Variants in MICA observed in about 807,000 individuals in gnomAD.
MICA encodes the protein MHC class I polypeptide-related sequence A.
MICA carries 18 observed loss-of-function variants against 34.3 expected under a neutral mutation model. That is an observed-to-expected ratio of 0.52 (90% CI 0.36 to 0.78). The LOEUF is 0.78. MICA is among the 30% of genes least tolerant of loss of function. The pLI is 0.00. For synonymous variants in MICA, 135 were observed against 156.9 expected (o/e 0.86, Z 1.04); for missense variants, 333 against 409.4 (o/e 0.81, Z 1.61).
chr6:31,412,445 G>T lies in MICA; in HGVS notation c.*14G>T, dbSNP rs1478526747. The T allele has an allele frequency of 6.4e-7, 1 of 1,568,154 alleles. No homozygotes were observed. Among genetic ancestry groups the T allele is most frequent in the East Asian group, 2.3e-5 (1 of 43,408 alleles). ...CCGTTGTTGTAAGAAGAAAACATCA[G>T]CTGCAGAGGGTCCAGGTGAGAAAAG... is the stretch of plus-strand genomic sequence containing the variant. On this transcript the variant is annotated 3_prime_UTR_variant, in exon 5 of 6. Transcript: ENST00000449934.
chr6:31,410,894 C>G (rs17206624), intron 2 of MICA, 97 bp downstream of exon 2: 3 of 1,489,372 alleles, frequency 2.0e-6, no homozygotes, highest in Non-Finnish European at 2.7e-6. Context: ...GGATCTGGCT[C>G]AGGCTGGGGG....
chr6:31,410,451 C>T (rs2844516), intron 1 of MICA, 92 bp from the exon 2 acceptor site: 241,807 of 1,495,220 alleles, frequency 0.16, 23,206 homozygotes, highest in Middle Eastern at 0.35. Context: ...ATTTCCTGCC[C>T]CAGGAAGGTT....
intron 5 of MICA, among the ~76,000 whole-genome samples, chr6:31,414,533 A>T (rs1771401716): frequency 6.6e-6 from 1 of 151,930 alleles, no homozygotes; most frequent in Non-Finnish European, 1.5e-5. Flanking sequence ...CCCAGTTAGG[A>T]GCTGCCTGCT....
Position 31,403,734 on chromosome 6 carries a change from G to T in MICA, c.70+32G>T. The T allele has an allele frequency of 6.6e-7, 1 of 1,524,320 alleles. No homozygotes were observed. 94.4% of individuals were successfully genotyped at this position (1,524,320 alleles called of 1,614,324 possible). ...GGCGTTCCTGGCGGTCCTCGGCGGAGCGGGAGCAGTGGGACGTTTCCGGGG... is the reference window on the plus strand; with the variant it reads ...GGCGTTCCTGGCGGTCCTCGGCGGATCGGGAGCAGTGGGACGTTTCCGGGG... On this transcript the variant is annotated intron_variant, in intron 1 of 5. Coordinates refer to ENST00000449934, the MANE Select transcript of MICA (RefSeq NM_001177519.3). This position sits in a 1 kb window ranked among gnomAD's most constrained non-coding sequence, Gnocchi z 4.7.
At position 31,410,666 on chromosome 6, in the gene MICA, G is replaced by A. The variant is rs1771066588; in HGVS notation, c.194G>A (p.Arg65Lys). 6.2e-7 allele frequency: 1 copy of A among 1,613,454 alleles called. No individual in the cohort carries two copies. The highest frequency in any genetic ancestry group is 1.7e-5 in the Admixed American group (1 of 59,728). ...PFLRYDRQKC[R>K]AKPQGQWAED... ...CTGCGCTATGACAGGCAGAAATGCA[G>A]GGCAAAGCCCCAGGGACAGTGGGCA... The change falls in exon 2 of 6, where the codon AGG (arginine) becomes AAG (lysine). Residue 65 changes from arginine (R) to lysine (K), a missense_variant. Coordinates refer to ENST00000449934, the MANE Select transcript of MICA (RefSeq NM_001177519.3).
At chr6:31,408,359 G>A (rs541014083) in intron 1 of MICA, among the ~76,000 whole-genome samples, 1 of 151,992 alleles carries the variant, frequency 6.6e-6, no homozygotes, top group African/African-American at 2.4e-5. Flanking sequence ...TCCTGGCTTT[G>A]TAAAATGAGT....
chr6:31,412,447 T>C lies in MICA; in HGVS notation c.*16T>C, dbSNP rs1183953382. On this transcript the variant is annotated 3_prime_UTR_variant, in exon 5 of 6. Coordinates refer to ENST00000449934, the MANE Select transcript of MICA (RefSeq NM_001177519.3). ...GTTGTTGTAAGAAGAAAACATCAGCTGCAGAGGGTCCAGGTGAGAAAAGCG... is the reference window on the plus strand; with the variant it reads ...GTTGTTGTAAGAAGAAAACATCAGCCGCAGAGGGTCCAGGTGAGAAAAGCG... 1 of 1,568,550 alleles carries C rather than the reference T, an allele frequency of 6.4e-7. No individual in the cohort carries two copies. The highest frequency in any genetic ancestry group is 8.7e-7 in the Non-Finnish European group (1 of 1,155,340).
rs141297995 is a variant in MICA at position 31,410,655 on chromosome 6, G to C, written c.183G>C (p.Arg61Ser). 195 of 1,613,572 alleles carry C rather than the reference G, an allele frequency of 1.2e-4. 1 individual carries two copies. Among genetic ancestry groups the C allele is most frequent in the Non-Finnish European group, 1.5e-4 (182 of 1,180,016 alleles). The stretch of plus-strand genomic sequence containing the variant: ...GTCAGCCCTTCCTGCGCTATGACAG[G>C]CAGAAATGCAGGGCAAAGCCCCAGG... ...LDGQPFLRYDRQKCRAKPQGQ... is the reference protein window; with the variant it reads ...LDGQPFLRYDSQKCRAKPQGQ... Residue 61 changes from arginine to serine, a missense_variant, in exon 2 of 6, where the codon AGG (arginine) becomes AGC (serine). By Grantham distance (110) the Arg-to-Ser change is moderately radical. Transcript: ENST00000449934.
intron 1 of MICA, among the ~76,000 whole-genome samples, chr6:31,410,340 C>T (rs17200109): frequency 0.034 from 5,212 of 152,026 alleles, 158 homozygotes; most frequent in Non-Finnish European, 0.054. Context: ...TTGCCATCTT[C>T]ATTCCCCCTT....
In MICA at chr6:31,411,124, C is replaced by T. The variant is rs1220578744; in HGVS notation, c.378C>T (p.Ser126=). Residue 126 remains serine, a synonymous_variant, in exon 3 of 6, where the codon AGC becomes AGT. Coordinates refer to ENST00000449934, the MANE Select transcript of MICA (RefSeq NM_001177519.3). The surrounding 1 kb of genome is among the most constrained non-coding windows in gnomAD (Gnocchi z 4.3). ...IRVCEIHEDN[S]TRSSQHFYYD... is the part of the protein sequence containing the mutation. ...TCTGTGAGATCCATGAAGACAACAG[C>T]ACCAGGAGCTCCCAGCATTTCTACT... 6.2e-7 allele frequency: 1 copy of T among 1,610,262 alleles called. No individual in the cohort carries two copies. The highest frequency in any genetic ancestry group is 1.7e-5 in the Admixed American group (1 of 58,762).
In MICA at chr6:31,410,788, CAGAA is replaced by C. The variant is rs1243307083; in HGVS notation, c.321_324del (p.Glu108AlafsTer55). Reference sequence around the variant, plus strand: ...GATGACCCTGGCTCATATCAAGGACCAGAAAGAAGGTGAGAGTCGGCAGGGGCAA... The same window carrying C: ...GATGACCCTGGCTCATATCAAGGACCAGAAGGTGAGAGTCGGCAGGGGCAA... On this transcript the variant is annotated frameshift_variant, in exon 2 of 6. Transcript: ENST00000449934. LOFTEE classifies it high-confidence loss of function. The C allele has an allele frequency of 6.4e-7, 1 of 1,564,762 alleles. No individual in the cohort carries two copies. Among genetic ancestry groups the C allele is most frequent in the Non-Finnish European group, 8.7e-7 (1 of 1,154,682 alleles).
At chr6:31,407,314 G>A (rs575842924) in intron 1 of MICA, among the ~76,000 whole-genome samples, 4 of 151,886 alleles carry the variant, frequency 2.6e-5, no homozygotes, top group Non-Finnish European at 5.9e-5. Flanking sequence ...TTGGCTCACC[G>A]CAACCTCCGC....
At chr6:31,409,674 A>C (rs1770968773) in intron 1 of MICA, among the ~76,000 whole-genome samples, 1 of 151,886 alleles carries the variant, frequency 6.6e-6, no homozygotes, top group Admixed American at 6.6e-5. Context: ...TATCCATGAA[A>C]GCACTGTCAA....
intron 1 of MICA, among the ~76,000 whole-genome samples, chr6:31,406,843 T>C (rs1420304666): frequency 2.0e-5 from 3 of 151,962 alleles, no homozygotes; most frequent in Non-Finnish European, 1.5e-5. Context: ...GGTACCTTTG[T>C]TGGAAATGAG....
chr6:31,412,483 G>T, intron 5 of MICA, 23 bp downstream of exon 5: 1 of 1,480,872 alleles, frequency 6.8e-7, no homozygotes. Flanking sequence ...GGCAGTTTCT[G>T]GAGATGGTAA....
chr6:31,412,457 C>T lies in MICA; in HGVS notation c.*26C>T, dbSNP rs1771251934. On this transcript the variant is annotated 3_prime_UTR_variant, in exon 5 of 6. Coordinates refer to ENST00000449934, the MANE Select transcript of MICA (RefSeq NM_001177519.3). Reference sequence around the variant, plus strand: ...GAAGAAAACATCAGCTGCAGAGGGTCCAGGTGAGAAAAGCGGGCAGTTTCT... The same window carrying T: ...GAAGAAAACATCAGCTGCAGAGGGTTCAGGTGAGAAAAGCGGGCAGTTTCT... 2 of 1,559,018 alleles carry T rather than the reference C, an allele frequency of 1.3e-6. No homozygotes were observed. The highest frequency in any genetic ancestry group is 1.2e-5 in the South Asian group (1 of 85,166).
At chr6:31,403,588 C>T (rs1377901843), upstream of MICA, 8 of 1,440,924 alleles carry the variant, frequency 5.6e-6, no homozygotes, top group Non-Finnish European at 6.4e-6. The surrounding 1 kb of genome is among the most constrained non-coding windows in gnomAD (Gnocchi z 4.7). Context: ...GCGCCTTCTC[C>T]CCGGCCACTG....
intron 1 of MICA, among the ~76,000 whole-genome samples, chr6:31,409,307 C>CTGTGTGTGTGTGTGTGTGTGTGTGTGTG (rs1491397090): frequency 1.8e-5 from 2 of 110,002 alleles, no homozygotes; most frequent in Admixed American, 9.3e-5. Context: ...GCCAACCTTG[C>CTGTGTGTGTGTGTGTGTGTGTGTGTGTG]TCTGTGTGTG....
intron 5 of MICA, among the ~76,000 whole-genome samples, chr6:31,413,077 G>T (rs6934311): frequency 0.35 from 52,726 of 151,618 alleles, 9,752 homozygotes; most frequent in African/African-American, 0.43. Flanking sequence ...TGTCCACTTT[G>T]CAGCTCCCCA....
Sources: allele counts gnomAD v4.1 joint callset (sites outside exome capture counted in the v4.1 genomes callset), GRCh38; gene constraint gnomAD v4.1.1; non-coding constraint Gnocchi (gnomAD v3.1); transcripts MANE v1.5; gene names NCBI Gene and HGNC (gene_info 2026-07-23, HGNC 2026-07-21).